NDUFAF2: variants seen among roughly 807,000 people sequenced by gnomAD.
The protein encoded by NDUFAF2 is NADH:ubiquinone oxidoreductase complex assembly factor 2, also known as NADH dehydrogenase [ubiquinone] 1 alpha subcomplex assembly factor 2.
Under a neutral mutation model 22.8 loss-of-function variants are expected in NDUFAF2, and 13 were observed. The ratio of observed to expected loss-of-function variants is 0.57; its 90% CI spans 0.37 to 0.91. The LOEUF (loss-of-function observed/expected upper bound fraction) is 0.91, where lower values mean the gene tolerates loss of function less well. NDUFAF2 is among the 40% of genes least tolerant of loss of function. NDUFAF2 has a pLI of 0.01. For synonymous variants in NDUFAF2, 53 were observed against 64.2 expected, an observed-to-expected ratio of 0.83 and a Z score of 0.84; for missense variants, 162 against 195.2, an observed-to-expected ratio of 0.83 and a Z score of 1.01.
chr5:60,989,542 T>A (rs918741150), intron 1 of NDUFAF2, among the ~76,000 whole-genome samples: 1 of 152,182 alleles, frequency 6.6e-6, no homozygotes, highest in African/African-American at 2.4e-5. Flanking sequence ...ATGGAGTGTA[T>A]ATACACCATG....
At chr5:61,103,947 T>C (rs1386664413) in intron 3 of NDUFAF2, among the ~76,000 whole-genome samples, 1 of 152,134 alleles carries the variant, frequency 6.6e-6, no homozygotes, top group East Asian at 1.9e-4. Context: ...ACATGAGATA[T>C]TTAACACTTT....
chr5:61,113,922 A>G (rs1374775686), intron 3 of NDUFAF2, among the ~76,000 whole-genome samples: 1 of 151,842 alleles, frequency 6.6e-6, no homozygotes, highest in Non-Finnish European at 1.5e-5. Flanking sequence ...GCTCCATTGT[A>G]TGGTATTTCT....
chr5:61,017,475 G>C (rs998303553), intron 1 of NDUFAF2, among the ~76,000 whole-genome samples: 1 of 152,068 alleles, frequency 6.6e-6, no homozygotes, highest in African/African-American at 2.4e-5. Context: ...GATTTTATGT[G>C]AAATTTCATT....
chr5:61,016,779 A>G (rs974963663), intron 1 of NDUFAF2, among the ~76,000 whole-genome samples: 5 of 152,198 alleles, frequency 3.3e-5, no homozygotes, highest in East Asian at 1.9e-4. Flanking sequence ...AGGCATCAAC[A>G]TGGCTTATAA....
intron 2 of NDUFAF2, chr5:61,083,271 T>C (rs1269016158): frequency 6.6e-6 from 1 of 152,176 alleles, no homozygotes; most frequent in Non-Finnish European, 1.5e-5. Flanking sequence ...TATTATACTT[T>C]GATGTCTTAC....
At chr5:60,953,234 A>G (rs1263060912) in intron 1 of NDUFAF2, among the ~76,000 whole-genome samples, 1 of 152,160 alleles carries the variant, frequency 6.6e-6, no homozygotes, top group African/African-American at 2.4e-5. Context: ...AAAAAGATAC[A>G]TTACTTACAG....
intron 3 of NDUFAF2, among the ~76,000 whole-genome samples, chr5:61,111,779 C>T (rs534373274): frequency 6.6e-6 from 1 of 152,020 alleles, no homozygotes; most frequent in Non-Finnish European, 1.5e-5. Flanking sequence ...CCACCACGCC[C>T]GGCTAATTTT....
At chr5:60,999,709 A>T (rs191155507) in intron 1 of NDUFAF2, among the ~76,000 whole-genome samples, 24 of 152,150 alleles carry the variant, frequency 1.6e-4, no homozygotes, top group African/African-American at 4.6e-4. Flanking sequence ...TGTTATGTGG[A>T]TTTTCCCTCA....
intron 1 of NDUFAF2, among the ~76,000 whole-genome samples, chr5:61,006,637 C>T (rs1751370356): frequency 6.6e-6 from 1 of 152,122 alleles, no homozygotes; most frequent in Non-Finnish European, 1.5e-5. Flanking sequence ...ATTTGTAGTT[C>T]TCCTTGAAGA....
chr5:61,007,328 T>C (rs1398577920), intron 1 of NDUFAF2, among the ~76,000 whole-genome samples: 1 of 152,094 alleles, frequency 6.6e-6, no homozygotes, highest in Non-Finnish European at 1.5e-5. Flanking sequence ...TTCAGCTTTC[T>C]ACATATGGCT....
At chr5:61,080,075 C>G (rs1352333807) in intron 2 of NDUFAF2, among the ~76,000 whole-genome samples, 1 of 151,846 alleles carries the variant, frequency 6.6e-6, no homozygotes, top group Non-Finnish European at 1.5e-5. Flanking sequence ...TTTTAACATA[C>G]CTTAATACAT....
chr5:61,143,129 A>G (rs914050686), intron 3 of NDUFAF2, among the ~76,000 whole-genome samples: 2 of 152,088 alleles, frequency 1.3e-5, no homozygotes, highest in Admixed American at 1.3e-4. Context: ...TAATTTTATA[A>G]TTATATTGAG....
At chr5:61,010,590 C>G (rs541621197) in intron 1 of NDUFAF2, among the ~76,000 whole-genome samples, 2 of 152,054 alleles carry the variant, frequency 1.3e-5, no homozygotes, top group Admixed American at 1.3e-4. Flanking sequence ...TATATGTTCT[C>G]ATAGTTCTTT....
At chr5:61,098,558 T>TAGA (rs1752671036) in intron 2 of NDUFAF2, among the ~76,000 whole-genome samples, 2 of 152,208 alleles carry the variant, frequency 1.3e-5, no homozygotes, top group Non-Finnish European at 2.9e-5. Flanking sequence ...ATGAAAAACT[T>TAGA]TTCTAAGTCC....
At chr5:61,121,744 G>A (rs1752978581) in intron 3 of NDUFAF2, among the ~76,000 whole-genome samples, 1 of 151,892 alleles carries the variant, frequency 6.6e-6, no homozygotes, top group African/African-American at 2.4e-5. Flanking sequence ...AATCAGTTGA[G>A]GACTTTAAGG....
At chr5:60,976,303 G>A (rs1278147342) in intron 1 of NDUFAF2, among the ~76,000 whole-genome samples, 2 of 76,992 alleles carry the variant, frequency 2.6e-5, no homozygotes, top group African/African-American at 7.8e-5. Context: ...GAATGTATGT[G>A]CTTTTTTTTT....
chr5:60,993,842 G>A lies in NDUFAF2; in HGVS notation c.127+48460G>A, dbSNP rs115325509. Among the ~76,000 whole-genome samples, 798 of 152,304 alleles carry A rather than the reference G, an allele frequency of 5.2e-3. 7 individuals carry two copies. The highest frequency in any genetic ancestry group is 7.7e-3 in the Non-Finnish European group (522 of 68,014). On this transcript the variant is annotated intron_variant, in intron 1 of 3. Transcript: ENST00000296597. ...CCAGGGCTTTTATGGGCCTCAGAGG[G>A]GAGGAAGTGCCTACCAATTTGTCCA... is the stretch of plus-strand genomic sequence containing the variant.
At chr5:60,984,947 T>A (rs560918028) in intron 1 of NDUFAF2, among the ~76,000 whole-genome samples, 2 of 152,342 alleles carry the variant, frequency 1.3e-5, no homozygotes, top group Admixed American at 6.5e-5. Context: ...TTCTATTGAT[T>A]GGAATAGTTT....
chr5:61,020,938 C>T (rs1217998376), intron 1 of NDUFAF2, among the ~76,000 whole-genome samples: 2 of 151,268 alleles, frequency 1.3e-5, no homozygotes, highest in Non-Finnish European at 2.9e-5. Flanking sequence ...TCGTGATCCG[C>T]CTGCCTCGGC....
Sources: gnomAD v4.1 joint callset for allele counts (sites outside exome capture counted in the v4.1 genomes callset) on GRCh38, gnomAD v4.1.1 for gene constraint, MANE v1.5 for transcripts, NCBI Gene and HGNC (gene_info 2026-07-23, HGNC 2026-07-21) for gene names.